BACE2: variants seen among roughly 807,000 people sequenced by gnomAD.
The protein encoded by BACE2 is 56 kDa aspartic-like protease.
In BACE2, 17 loss-of-function variants were observed where a neutral mutation model predicts 46.2. That is an observed-to-expected ratio of 0.37 (90% CI 0.25 to 0.55). The LOEUF (loss-of-function observed/expected upper bound fraction) is 0.55, where lower values mean the gene tolerates loss of function less well. Among genes scored for constraint, BACE2 ranks in the 20% least tolerant of loss-of-function variants. The probability of loss-of-function intolerance (pLI) is 0.82; values close to 1 mark genes in which losing one functional copy is unlikely to be tolerated. For synonymous variants in BACE2, 277 were observed against 295.9 expected (o/e 0.94, Z 0.66); for missense variants, 595 against 698.1 (o/e 0.85, Z 1.66).
intron 8 of BACE2, among the ~76,000 whole-genome samples, chr21:41,264,496 C>T (rs1396916038): frequency 6.6e-6 from 1 of 152,010 alleles, no homozygotes; most frequent in Admixed American, 6.6e-5. Context: ...GCAGGTTATA[C>T]AGACTTCTGC....
intron 3 of BACE2, among the ~76,000 whole-genome samples, chr21:41,239,040 C>T (rs901119560): frequency 6.6e-6 from 1 of 151,604 alleles, no homozygotes; most frequent in African/African-American, 2.4e-5. Flanking sequence ...CCTGGCCTCA[C>T]CTTGCTCAGC....
chr21:41,238,853 A>G (rs1302712510), intron 3 of BACE2, among the ~76,000 whole-genome samples: 2 of 145,384 alleles, frequency 1.4e-5, no homozygotes, highest in Non-Finnish European at 3.0e-5. Flanking sequence ...ACCTAATGCT[A>G]GATGACGAGT....
chr21:41,277,300 C>CT lies in BACE2; in HGVS notation c.*1677dup. The CT allele has an allele frequency of 6.6e-6, 1 of 152,254 alleles. No homozygotes were observed. Among genetic ancestry groups the CT allele is most frequent in the East Asian group, 1.9e-4 (1 of 5,164 alleles). The allele number at this position is 152,254 out of a possible 1,614,324, so 9.4% of individuals were successfully genotyped here. On this transcript the variant is annotated 3_prime_UTR_variant, in exon 9 of 9. Transcript: ENST00000330333. ...CGGCTTGTCATGGTGTCCTGGAAGA[C>CT]TCTCCAGCAGCCAGAAGAACCTTCT...
chr21:41,228,684 C>T (rs887682702), intron 2 of BACE2, among the ~76,000 whole-genome samples: 42 of 152,162 alleles, frequency 2.8e-4, no homozygotes, highest in African/African-American at 9.4e-4. Context: ...TTGAGAGATC[C>T]GACCTCACTA....
At chr21:41,241,332 G>C (rs574587184) in intron 3 of BACE2, among the ~76,000 whole-genome samples, 1 of 152,160 alleles carries the variant, frequency 6.6e-6, no homozygotes, top group South Asian at 2.1e-4. Context: ...CTCACCCCAG[G>C]CTCTGGGGTC....
At chr21:41,241,768 G>A (rs2123602032) in intron 3 of BACE2, 51 bp from the exon 4 acceptor site, 2 of 1,609,326 alleles carry the variant, frequency 1.2e-6, no homozygotes, top group Middle Eastern at 1.8e-4. Context: ...GGTGACCCAT[G>A]TCTACACTGT....
At chr21:41,260,324 G>A (rs1024093325) in intron 8 of BACE2, among the ~76,000 whole-genome samples, 4 of 151,180 alleles carry the variant, frequency 2.6e-5, no homozygotes, top group African/African-American at 9.7e-5. Flanking sequence ...TTGGTATTTT[G>A]TGTAGAGATG....
chr21:41,217,217 C>T (rs903571184), intron 1 of BACE2, among the ~76,000 whole-genome samples: 1 of 152,260 alleles, frequency 6.6e-6, no homozygotes, highest in Non-Finnish European at 1.5e-5. Flanking sequence ...GCGTGAGCCA[C>T]TGCGCCCGGC....
chr21:41,274,658 T>A (rs1376222249), intron 8 of BACE2, among the ~76,000 whole-genome samples: 1 of 152,052 alleles, frequency 6.6e-6, no homozygotes, highest in African/African-American at 2.4e-5. Flanking sequence ...TATTCAAGAG[T>A]CTCTAGCAGA....
intron 2 of BACE2, among the ~76,000 whole-genome samples, chr21:41,230,715 C>T (rs2123582146): frequency 2.0e-5 from 3 of 152,160 alleles, no homozygotes; most frequent in Admixed American, 2.0e-4. Flanking sequence ...GACAAGATCT[C>T]TTTGATTTAT....
chr21:41,205,321 G>GC (rs1986091657), intron 1 of BACE2, among the ~76,000 whole-genome samples: 1 of 152,144 alleles, frequency 6.6e-6, no homozygotes, highest in Admixed American at 6.5e-5. Flanking sequence ...TGCTTTCAAA[G>GC]CCCTTAACCT....
intron 1 of BACE2, among the ~76,000 whole-genome samples, chr21:41,214,683 T>C (rs1223151255): frequency 6.6e-6 from 1 of 152,242 alleles, no homozygotes; most frequent in East Asian, 1.9e-4. Context: ...TGAACGTCTC[T>C]CTAACCTTGA....
At chr21:41,251,646 C>CA in intron 7 of BACE2, among the ~76,000 whole-genome samples, 1 of 151,998 alleles carries the variant, frequency 6.6e-6, no homozygotes, top group Non-Finnish European at 1.5e-5. Context: ...GCTAAAAATA[C>CA]AAAAATTAGC....
At chr21:41,251,694 C>G (rs1026826342) in intron 7 of BACE2, among the ~76,000 whole-genome samples, 4 of 151,736 alleles carry the variant, frequency 2.6e-5, no homozygotes, top group African/African-American at 9.7e-5. Context: ...CCAGCTACCC[C>G]GGAGGCTGAG....
Position 41,272,113 on chromosome 21 carries a change from A to AC in BACE2, c.1304-3253dup, listed in dbSNP as rs573096413. The stretch of plus-strand genomic sequence containing the variant: ...GTTCTCGGTTGACAGGGCTTCTTCT[A>AC]CCCCCAGTACTTTAAAGATGTTACT... On this transcript the variant is annotated intron_variant, in intron 8 of 8. Coordinates refer to ENST00000330333, the MANE Select transcript of BACE2 (RefSeq NM_012105.5). Among the ~76,000 whole-genome samples, 11 of 150,430 alleles carry AC rather than the reference A, an allele frequency of 7.3e-5. No individual in the cohort carries two copies. In the South Asian group the frequency reaches 1.9e-3, roughly 26 times the overall value.
At chr21:41,225,484 C>T (rs1986789081) in intron 1 of BACE2, 1 of 152,130 alleles carries the variant, frequency 6.6e-6, no homozygotes, top group Non-Finnish European at 1.5e-5. Flanking sequence ...AGACAAGTTG[C>T]ACTTAAGAAG....
chr21:41,275,734 T>A lies in BACE2; in HGVS notation c.*110T>A. ...CGCTTTCTCCTGTGCCCACCCGTCTTCAATCTCTGTTCTGCTCCCAGATGC... is the reference window on the plus strand; with the variant it reads ...CGCTTTCTCCTGTGCCCACCCGTCTACAATCTCTGTTCTGCTCCCAGATGC... On this transcript the variant is annotated 3_prime_UTR_variant, in exon 9 of 9. Coordinates refer to ENST00000330333, the MANE Select transcript of BACE2 (RefSeq NM_012105.5). 6 of 1,333,900 alleles carry A rather than the reference T, an allele frequency of 4.5e-6. No individual in the cohort carries two copies. The highest frequency in any genetic ancestry group is 6.1e-6 in the Non-Finnish European group (6 of 980,232). The allele number at this position is 1,333,900 out of a possible 1,614,324, so 82.6% of individuals were successfully genotyped here.
intron 1 of BACE2, among the ~76,000 whole-genome samples, chr21:41,173,728 A>G (rs972281502): frequency 3.3e-5 from 5 of 152,342 alleles, no homozygotes; most frequent in East Asian, 1.9e-4. Flanking sequence ...CCTGGGCAAC[A>G]GAACGAGACT....
chr21:41,243,399 T>G lies in BACE2; in HGVS notation c.771T>G (p.Ser257Arg), dbSNP rs1344875410. The change falls in exon 5 of 9, where the codon AGT (serine) becomes AGG (arginine). Residue 257 changes from serine to arginine, a missense_variant. By Grantham distance (110) the Ser-to-Arg change is moderately radical. Transcript: ENST00000330333. ...GSLVLGGIEP[S>R]LYKGDIWYTP... ...AGGTCTTGGGTGGAATTGAACCAAGTTTGTATAAAGGAGACATCTGGTATA... is the reference window on the plus strand; with the variant it reads ...AGGTCTTGGGTGGAATTGAACCAAGGTTGTATAAAGGAGACATCTGGTATA... The G allele has an allele frequency of 6.2e-7, 1 of 1,605,068 alleles. No homozygotes were observed. The highest frequency in any genetic ancestry group is 8.5e-7 in the Non-Finnish European group (1 of 1,176,798).
Sources: gnomAD v4.1 joint callset for allele counts (sites outside exome capture counted in the v4.1 genomes callset) on GRCh38, gnomAD v4.1.1 for gene constraint, MANE v1.5 for transcripts, NCBI Gene and HGNC (gene_info 2026-07-23, HGNC 2026-07-21) for gene names.